MSRA: variants seen among roughly 807,000 people sequenced by gnomAD.
MSRA encodes mitochondrial peptide methionine sulfoxide reductase.
In MSRA, 54 loss-of-function variants were observed where a neutral mutation model predicts 31.3. The observed-to-expected ratio is 1.73, with a 90% CI of 1.39 to 2.17. The LOEUF is 2.17. Among genes scored for constraint, MSRA ranks in the 30% most tolerant of loss-of-function variants. MSRA has a pLI of 0.00. For synonymous variants in MSRA, 169 were observed against 116.5 expected, an observed-to-expected ratio of 1.45 and a Z score of -2.90; for missense variants, 507 against 300.9, an observed-to-expected ratio of 1.69 and a Z score of -5.07.
Position 10,302,104 on chromosome 8 carries a change from T to C in MSRA, c.436+466T>C, listed in dbSNP as rs1168964789. Reference sequence around the variant, plus strand: ...GTGGTGATAAAGAAGAACATAAAGGTAAAATGCAGTATTCACTAGGTCCAC... The same window carrying C: ...GTGGTGATAAAGAAGAACATAAAGGCAAAATGCAGTATTCACTAGGTCCAC... On this transcript the variant is annotated intron_variant, in intron 4 of 5. Transcript: ENST00000317173. 1.6e-4 allele frequency among the ~76,000 whole-genome samples: 25 copies of C among 152,232 alleles called. 1 individual carries two copies. Among genetic ancestry groups the C allele is most frequent in the Admixed American group, 1.6e-3 (24 of 15,288 alleles).
chr8:10,392,266 T>A, intron 5 of MSRA, among the ~76,000 whole-genome samples: 1 of 152,226 alleles, frequency 6.6e-6, no homozygotes, highest in Non-Finnish European at 1.5e-5. Context: ...AGAACTTAAA[T>A]GCCAGGGCTT....
At chr8:10,188,513 G>T (rs1807242021) in intron 1 of MSRA, among the ~76,000 whole-genome samples, 1 of 152,186 alleles carries the variant, frequency 6.6e-6, no homozygotes, top group Non-Finnish European at 1.5e-5. Context: ...GAAAAAGAAT[G>T]GGGAACTGTA....
intron 1 of MSRA, among the ~76,000 whole-genome samples, chr8:10,206,252 C>T (rs2129059305): frequency 6.6e-6 from 1 of 152,260 alleles, no homozygotes; most frequent in Middle Eastern, 3.4e-3. Context: ...CTAACCAGAT[C>T]AGTGAATGCT....
At chr8:10,058,077 G>C (rs768582999) in intron 1 of MSRA, among the ~76,000 whole-genome samples, 6 of 152,136 alleles carry the variant, frequency 3.9e-5, no homozygotes, top group African/African-American at 9.7e-5. Flanking sequence ...ATTCTATCTT[G>C]GCTTTCTTGC....
chr8:10,087,185 C>A (rs1798605273), intron 1 of MSRA, among the ~76,000 whole-genome samples: 1 of 152,096 alleles, frequency 6.6e-6, no homozygotes, highest in Admixed American at 6.6e-5. Flanking sequence ...CTATATTTCC[C>A]AGAGCCTTAC....
At chr8:10,068,257 C>T (rs938789025) in intron 1 of MSRA, among the ~76,000 whole-genome samples, 5 of 152,104 alleles carry the variant, frequency 3.3e-5, no homozygotes, top group African/African-American at 1.2e-4. Flanking sequence ...AATTTTTTCC[C>T]AGCCTGTGGC....
At chr8:10,347,189 C>T (rs1329190938) in intron 5 of MSRA, among the ~76,000 whole-genome samples, 2 of 152,160 alleles carry the variant, frequency 1.3e-5, no homozygotes, top group Non-Finnish European at 2.9e-5. Context: ...CTGTATCTTC[C>T]CTAGTCCCTT....
intron 5 of MSRA, among the ~76,000 whole-genome samples, chr8:10,354,640 G>C (rs1309155400): frequency 1.3e-5 from 2 of 151,718 alleles, no homozygotes; most frequent in East Asian, 1.9e-4. Flanking sequence ...GATTACAAAT[G>C]CATCGGTGAA....
intron 5 of MSRA, among the ~76,000 whole-genome samples, chr8:10,394,703 T>C (rs1291276304): frequency 6.6e-6 from 1 of 152,250 alleles, no homozygotes; most frequent in Non-Finnish European, 1.5e-5. Flanking sequence ...CAGGTCCTGC[T>C]TCCCTTCTGC....
chr8:10,408,899 T>C (rs1391450547), intron 5 of MSRA, among the ~76,000 whole-genome samples: 1 of 152,212 alleles, frequency 6.6e-6, no homozygotes, highest in African/African-American at 2.4e-5. Flanking sequence ...GACATGATTG[T>C]CTTCTTTTTA....
At chr8:10,400,339 T>C (rs1391602568) in intron 5 of MSRA, among the ~76,000 whole-genome samples, 1 of 150,042 alleles carries the variant, frequency 6.7e-6, no homozygotes. Flanking sequence ...GAGGACTCCA[T>C]GGCCTATGAC....
chr8:10,078,454 G>A (rs1001835489), intron 1 of MSRA, among the ~76,000 whole-genome samples: 1 of 152,242 alleles, frequency 6.6e-6, no homozygotes, highest in Non-Finnish European at 1.5e-5. Flanking sequence ...GGTTGCTGTG[G>A]TGCTGGACTG....
intron 1 of MSRA, among the ~76,000 whole-genome samples, chr8:10,194,383 A>G (rs1421013562): frequency 6.6e-6 from 1 of 152,176 alleles, no homozygotes; most frequent in East Asian, 1.9e-4. Flanking sequence ...CCTGTTCAAC[A>G]TGGTGAAACC....
intron 3 of MSRA, among the ~76,000 whole-genome samples, chr8:10,273,190 C>T (rs891734607): frequency 3.9e-5 from 6 of 152,178 alleles, no homozygotes; most frequent in Admixed American, 2.6e-4. Flanking sequence ...GTTGTTCAAT[C>T]TGTTAGCATT....
chr8:10,089,912 A>G (rs1158122760), intron 1 of MSRA, among the ~76,000 whole-genome samples: 4 of 152,186 alleles, frequency 2.6e-5, no homozygotes, highest in African/African-American at 4.8e-5. Context: ...TTCATGTGGG[A>G]TATGCCCCCA....
chr8:10,321,957 T>A (rs952895266), intron 5 of MSRA, among the ~76,000 whole-genome samples: 1 of 152,250 alleles, frequency 6.6e-6, no homozygotes, highest in Non-Finnish European at 1.5e-5. Flanking sequence ...TGCTAAGTTT[T>A]AGAGTAATTT....
chr8:10,151,381 C>T (rs527245448), intron 1 of MSRA, among the ~76,000 whole-genome samples: 3 of 151,694 alleles, frequency 2.0e-5, no homozygotes, highest in South Asian at 2.1e-4. Flanking sequence ...TGGTGGCTCA[C>T]GCCTGTCATC....
chr8:10,411,435 A>G (rs1414065357), intron 5 of MSRA: 2 of 152,230 alleles, frequency 1.3e-5, no homozygotes, highest in South Asian at 2.1e-4. Flanking sequence ...TCTGGAGTGC[A>G]TTTGCTCATA....
At chr8:10,361,567 G>C (rs561453507) in intron 5 of MSRA, among the ~76,000 whole-genome samples, 8 of 152,108 alleles carry the variant, frequency 5.3e-5, no homozygotes, top group African/African-American at 1.9e-4. Flanking sequence ...ATTCTTGAAG[G>C]CTGCAAACTC....
Sources: gnomAD v4.1 joint callset for allele counts (sites outside exome capture counted in the v4.1 genomes callset) on GRCh38, gnomAD v4.1.1 for gene constraint, MANE v1.5 for transcripts, NCBI Gene and HGNC (gene_info 2026-07-23, HGNC 2026-07-21) for gene names.